The following SGCZ variants were observed in gnomAD, a reference collection of about 807,000 sequenced individuals.
SGCZ encodes sarcoglycan zeta.
A neutral mutation model predicts 41.3 loss-of-function variants in SGCZ; 40 were observed. The ratio of observed to expected loss-of-function variants is 0.97; its 90% CI spans 0.75 to 1.26. The LOEUF (loss-of-function observed/expected upper bound fraction) is 1.26. Among genes scored for constraint, SGCZ ranks in the 50% most tolerant of loss-of-function variants. SGCZ has a pLI of 0.00. For synonymous variants in SGCZ, 206 were observed against 137.5 expected, an observed-to-expected ratio of 1.50 and a Z score of -3.49; for missense variants, 552 against 369.8, an observed-to-expected ratio of 1.49 and a Z score of -4.04.
chr8:14,899,530 G>T (rs552231356), intron 1 of SGCZ, among the ~76,000 whole-genome samples: 6 of 152,174 alleles, frequency 3.9e-5, no homozygotes, highest in Non-Finnish European at 7.3e-5. Context: ...GACTAGGGAG[G>T]TTTGCCAGGC....
At chr8:14,372,544 G>C (rs773694640) in intron 2 of SGCZ, among the ~76,000 whole-genome samples, 1 of 152,226 alleles carries the variant, frequency 6.6e-6, no homozygotes, top group East Asian at 1.9e-4. Context: ...ATGAATAACA[G>C]AAAGTGGACA....
chr8:14,349,758 G>C (rs1803019745), intron 2 of SGCZ, among the ~76,000 whole-genome samples: 1 of 152,068 alleles, frequency 6.6e-6, no homozygotes, highest in South Asian at 2.1e-4. Context: ...TCTCAGAGTA[G>C]CTTATAGTAC....
At chr8:14,967,911 C>T (rs1801172702) in intron 1 of SGCZ, among the ~76,000 whole-genome samples, 1 of 152,148 alleles carries the variant, frequency 6.6e-6, no homozygotes, top group Admixed American at 6.6e-5. Context: ...GGGACAGTCA[C>T]TCCTATTACA....
Position 14,372,889 on chromosome 8 carries a change from T to C in SGCZ, c.235-48685A>G, listed in dbSNP as rs1299356887. 2.6e-5 allele frequency among the ~76,000 whole-genome samples: 4 copies of C among 152,168 alleles called. No individual in the cohort carries two copies. In the East Asian group the frequency reaches 7.7e-4, roughly 29 times the overall value. ...GTTCACGAGGGACTTAGTAGTTAATTGTAAAGGTTTTTACTTTTATGCTAA... is the reference window on the plus strand; with the variant it reads ...GTTCACGAGGGACTTAGTAGTTAATCGTAAAGGTTTTTACTTTTATGCTAA... On this transcript the variant is annotated intron_variant, in intron 2 of 7. Coordinates refer to ENST00000382080, the MANE Select transcript of SGCZ (RefSeq NM_139167.4).
chr8:14,469,572 T>C (rs888868059), intron 2 of SGCZ, among the ~76,000 whole-genome samples: 1 of 152,066 alleles, frequency 6.6e-6, no homozygotes, highest in African/African-American at 2.4e-5. Context: ...TTTGAAGTGG[T>C]GTCTCTTTGT....
chr8:14,424,669 A>G (rs758694940), intron 2 of SGCZ, among the ~76,000 whole-genome samples: 1 of 152,196 alleles, frequency 6.6e-6, no homozygotes, highest in Non-Finnish European at 1.5e-5. Flanking sequence ...TTATTTTCAT[A>G]TATCATTTAA....
chr8:14,104,561 A>G (rs945942172), intron 6 of SGCZ, among the ~76,000 whole-genome samples: 1 of 152,142 alleles, frequency 6.6e-6, no homozygotes, highest in African/African-American at 2.4e-5. Context: ...ATCAGGAGAA[A>G]CAGAAAGAAA....
chr8:14,559,245 A>T (rs916621099), intron 1 of SGCZ, among the ~76,000 whole-genome samples: 1 of 152,086 alleles, frequency 6.6e-6, no homozygotes, highest in Non-Finnish European at 1.5e-5. Flanking sequence ...AGACCCCTCC[A>T]AAAAGCTCCT....
chr8:14,660,311 C>A (rs191512621), intron 1 of SGCZ, among the ~76,000 whole-genome samples: 1 of 151,772 alleles, frequency 6.6e-6, no homozygotes, highest in Non-Finnish European at 1.5e-5. Context: ...GTGGCTCATG[C>A]CCATAATCCT....
intron 1 of SGCZ, among the ~76,000 whole-genome samples, chr8:14,857,675 C>T (rs774473412): frequency 1.3e-5 from 2 of 151,962 alleles, no homozygotes; most frequent in Non-Finnish European, 2.9e-5. Flanking sequence ...ACCAGCCTGG[C>T]CAACATAGTG....
At chr8:14,392,759 T>G (rs1046663028) in intron 2 of SGCZ, among the ~76,000 whole-genome samples, 2 of 152,180 alleles carry the variant, frequency 1.3e-5, no homozygotes, top group Non-Finnish European at 2.9e-5. Flanking sequence ...ATATGCATAT[T>G]TATCATTAAT....
chr8:14,198,545 T>G (rs57609697), intron 4 of SGCZ, among the ~76,000 whole-genome samples: 77,910 of 151,702 alleles, frequency 0.51, 21,207 homozygotes, highest in East Asian at 0.76. Flanking sequence ...CAGTATCATG[T>G]AATATACCTC....
chr8:14,095,715 A>ATGTT (rs1563122766), intron 7 of SGCZ, among the ~76,000 whole-genome samples: 2 of 151,936 alleles, frequency 1.3e-5, no homozygotes, highest in East Asian at 1.9e-4. Context: ...TTTCACGATA[A>ATGTT]TGTTTCTTCT....
chr8:14,939,868 A>C (rs1800211169), intron 1 of SGCZ, among the ~76,000 whole-genome samples: 1 of 152,168 alleles, frequency 6.6e-6, no homozygotes, highest in African/African-American at 2.4e-5. Flanking sequence ...CAAAGAATTA[A>C]AACCACATTG....
chr8:14,281,499 T>A (rs558894088), intron 3 of SGCZ, among the ~76,000 whole-genome samples: 38 of 152,090 alleles, frequency 2.5e-4, no homozygotes, highest in African/African-American at 8.9e-4. Flanking sequence ...AAAAGTATCA[T>A]CATCCAAAAA....
At chr8:14,091,878 A>C (rs1801699298) in intron 7 of SGCZ, among the ~76,000 whole-genome samples, 1 of 152,122 alleles carries the variant, frequency 6.6e-6, no homozygotes, top group African/African-American at 2.4e-5. Flanking sequence ...TTAGTCATGA[A>C]GTCTTTGCCC....
intron 1 of SGCZ, among the ~76,000 whole-genome samples, chr8:14,580,134 A>G (rs558606329): frequency 2.0e-4 from 30 of 152,196 alleles, no homozygotes; most frequent in Non-Finnish European, 3.2e-4. Context: ...CATAATCACA[A>G]ACACAGAATT....
At chr8:14,096,718 T>C (rs1801855663) in intron 7 of SGCZ, among the ~76,000 whole-genome samples, 1 of 152,180 alleles carries the variant, frequency 6.6e-6, no homozygotes, top group Non-Finnish European at 1.5e-5. Context: ...AATTCAGCTT[T>C]GTATCTGTCT....
chr8:14,503,796 C>A (rs1413307901), intron 2 of SGCZ, among the ~76,000 whole-genome samples: 1 of 151,992 alleles, frequency 6.6e-6, no homozygotes, highest in Non-Finnish European at 1.5e-5. Flanking sequence ...AATAACTCAA[C>A]AGAATAATTT....
Sources: allele counts gnomAD v4.1 joint callset (sites outside exome capture counted in the v4.1 genomes callset), GRCh38; gene constraint gnomAD v4.1.1; transcripts MANE v1.5; gene names NCBI Gene and HGNC (gene_info 2026-07-23, HGNC 2026-07-21).